Variants in DTWD2 observed in about 807,000 individuals in gnomAD.
DTWD2 encodes DTW motif tRNA-uridine aminocarboxypropyltransferase 2.
Under a neutral mutation model 31.8 loss-of-function variants are expected in DTWD2, and 39 were observed. That is an observed-to-expected ratio of 1.22 (90% CI 0.95 to 1.60). DTWD2 has a LOEUF of 1.60. Among genes scored for constraint, DTWD2 ranks in the 40% most tolerant of loss-of-function variants. The pLI is 0.00. For synonymous variants in DTWD2, 180 were observed against 142.8 expected (o/e 1.26, Z -1.86); for missense variants, 515 against 381.5 (o/e 1.35, Z -2.92).
At position 118,838,673 on chromosome 5, in the gene DTWD2, G is replaced by C. The variant is rs1201726743; in HGVS notation, c.*2244C>G. On this transcript the variant is annotated 3_prime_UTR_variant, in exon 6 of 6. Coordinates refer to ENST00000510708, the MANE Select transcript of DTWD2 (RefSeq NM_173666.4). ...AAAAAACAAGTACAGTGAGTTAACA[G>C]GTCAGTAAAGTAATTTGGAAAACTA... 29 of 151,918 alleles carry C rather than the reference G, an allele frequency of 1.9e-4. No homozygotes were observed. The highest frequency in any genetic ancestry group is 3.7e-4 in the Non-Finnish European group (25 of 67,990). The allele number at this position is 151,918 out of a possible 1,614,324, so 9.4% of individuals were successfully genotyped here.
intron 1 of DTWD2, among the ~76,000 whole-genome samples, chr5:118,948,202 A>T (rs1354504722): frequency 6.6e-6 from 1 of 152,084 alleles, no homozygotes; most frequent in Non-Finnish European, 1.5e-5. Context: ...TGGGCCAGGC[A>T]CGGTGGCTCA....
intron 4 of DTWD2, among the ~76,000 whole-genome samples, chr5:118,918,294 C>T (rs908915664): frequency 2.6e-5 from 4 of 151,950 alleles, no homozygotes; most frequent in Admixed American, 6.5e-5. Flanking sequence ...ACAATCTGAC[C>T]GCCAAGAGAT....
At chr5:118,982,124 G>T (rs559648854) in intron 1 of DTWD2, among the ~76,000 whole-genome samples, 2 of 152,296 alleles carry the variant, frequency 1.3e-5, no homozygotes, top group East Asian at 3.9e-4. Flanking sequence ...TTTGTAGCCA[G>T]TGAACTCTTT....
chr5:118,860,887 T>C (rs1339310076), intron 4 of DTWD2, among the ~76,000 whole-genome samples: 1 of 152,194 alleles, frequency 6.6e-6, no homozygotes. Flanking sequence ...TGATTTTGCA[T>C]TATATAAGTC....
intron 4 of DTWD2, among the ~76,000 whole-genome samples, chr5:118,922,503 A>G (rs1753725374): frequency 6.6e-6 from 1 of 152,236 alleles, no homozygotes; most frequent in African/African-American, 2.4e-5. Context: ...GTAAGAAAAA[A>G]TAACACTACA....
At chr5:118,909,247 T>C (rs908234315) in intron 4 of DTWD2, among the ~76,000 whole-genome samples, 5 of 152,140 alleles carry the variant, frequency 3.3e-5, no homozygotes, top group Admixed American at 2.6e-4. Flanking sequence ...AGCAAAAGAC[T>C]CTAACACCTT....
chr5:118,865,123 G>A (rs1186783240), intron 4 of DTWD2, among the ~76,000 whole-genome samples: 1 of 152,082 alleles, frequency 6.6e-6, no homozygotes, highest in Non-Finnish European at 1.5e-5. Context: ...ACCCACAAGT[G>A]AGTACTTACA....
At chr5:118,900,043 T>C (rs1159909295) in intron 4 of DTWD2, among the ~76,000 whole-genome samples, 2 of 152,042 alleles carry the variant, frequency 1.3e-5, no homozygotes, top group African/African-American at 2.4e-5. Flanking sequence ...CTGACCCAAA[T>C]TGATCTGCCC....
rs573704426 is a variant in DTWD2 at position 118,957,290 on chromosome 5, C to T, written c.219-12641G>A. On this transcript the variant is annotated intron_variant, in intron 1 of 5. Coordinates refer to ENST00000510708, the MANE Select transcript of DTWD2 (RefSeq NM_173666.4). ...AGGCTGGAGTGCAGTGGCATGATCTCGGCTCACTGCAACCTCCACATCCCG... is the reference window on the plus strand; with the variant it reads ...AGGCTGGAGTGCAGTGGCATGATCTTGGCTCACTGCAACCTCCACATCCCG... Among the ~76,000 whole-genome samples the T allele has an allele frequency of 2.3e-4, 35 of 151,904 alleles. No homozygotes were observed. The East Asian group carries it at 6.8e-3, about 29-fold the overall frequency.
chr5:118,959,050 G>C (rs974341047), intron 1 of DTWD2, among the ~76,000 whole-genome samples: 1 of 152,124 alleles, frequency 6.6e-6, no homozygotes, highest in Non-Finnish European at 1.5e-5. Context: ...TGACAAGTCT[G>C]CTCACTCTCA....
At chr5:118,851,110 G>C (rs1751991664) in intron 4 of DTWD2, among the ~76,000 whole-genome samples, 2 of 151,514 alleles carry the variant, frequency 1.3e-5, no homozygotes, top group East Asian at 3.9e-4. Flanking sequence ...AGCTGGGCAT[G>C]GTGGTACACA....
chr5:118,840,998 A>AT lies in DTWD2; in HGVS notation c.815dup (p.Asn272LysfsTer6). On this transcript the variant is annotated frameshift_variant, in exon 6 of 6. Transcript: ENST00000510708. LOFTEE classifies it high-confidence loss of function. ...TTGGCATTGGTTTAGGATATAATCC[A>AT]TTTTTCAGAAGGTGTTCCTTGCTGA... 1 of 1,613,858 alleles carries AT rather than the reference A, an allele frequency of 6.2e-7. No individual in the cohort carries two copies. The highest frequency in any genetic ancestry group is 2.2e-5 in the East Asian group (1 of 44,790).
In DTWD2 at chr5:118,978,292, T is replaced by C. The variant is rs542698473; in HGVS notation, c.218+10002A>G. On this transcript the variant is annotated intron_variant, in intron 1 of 5. Coordinates refer to ENST00000510708, the MANE Select transcript of DTWD2 (RefSeq NM_173666.4). ...AAACCCTAGAAGAAAATCCAGGCAA[T>C]ACCATTCAGGACGTTGGCACGGGCC... 1.1e-4 allele frequency among the ~76,000 whole-genome samples: 16 copies of C among 152,124 alleles called. No individual in the cohort carries two copies. In the South Asian group the frequency reaches 2.7e-3, roughly 26 times the overall value.
At chr5:118,945,931 A>G (rs1443642636) in intron 1 of DTWD2, among the ~76,000 whole-genome samples, 1 of 152,222 alleles carries the variant, frequency 6.6e-6, no homozygotes, top group Non-Finnish European at 1.5e-5. Context: ...GGAATTTCCA[A>G]TACCATACAT....
intron 1 of DTWD2, among the ~76,000 whole-genome samples, chr5:118,955,495 T>G (rs1338112983): frequency 6.6e-6 from 1 of 152,210 alleles, no homozygotes; most frequent in Non-Finnish European, 1.5e-5. Context: ...AATAATGGAT[T>G]GAATAATTTA....
intron 4 of DTWD2, among the ~76,000 whole-genome samples, chr5:118,871,688 A>G (rs1261409309): frequency 6.6e-6 from 1 of 152,232 alleles, no homozygotes; most frequent in East Asian, 1.9e-4. Context: ...ATGAGCCATC[A>G]TCCAGGCTTT....
intron 1 of DTWD2, among the ~76,000 whole-genome samples, chr5:118,985,495 T>TATATATATA (rs1350494312): frequency 2.9e-5 from 3 of 103,996 alleles, no homozygotes; most frequent in Non-Finnish European, 5.7e-5. Context: ...CATTTTTATA[T>TATATATATA]ATATATATAT....
intron 4 of DTWD2, among the ~76,000 whole-genome samples, chr5:118,859,280 A>C (rs1752206693): frequency 6.6e-6 from 1 of 152,168 alleles, no homozygotes; most frequent in Non-Finnish European, 1.5e-5. Context: ...AGGATAAATA[A>C]AGAGAAAGAA....
chr5:118,939,321 T>C, intron 2 of DTWD2, 31 bp from the exon 3 acceptor site: 1 of 1,530,710 alleles, frequency 6.5e-7, no homozygotes, highest in East Asian at 2.4e-5. Flanking sequence ...GAAACATAGA[T>C]TTTTACTTAG....
Sources: allele counts gnomAD v4.1 joint callset (sites outside exome capture counted in the v4.1 genomes callset), GRCh38; gene constraint gnomAD v4.1.1; transcripts MANE v1.5; gene names NCBI Gene and HGNC (gene_info 2026-07-23, HGNC 2026-07-21).